POGZ: variants seen among roughly 807,000 people sequenced by gnomAD.
POGZ encodes pogo transposable element with ZNF domain.
A neutral mutation model predicts 134.6 loss-of-function variants in POGZ; 17 were observed. The ratio of observed to expected loss-of-function variants is 0.13; its 90% confidence interval spans 0.09 to 0.19. POGZ has a LOEUF of 0.19. POGZ is among the 10% of genes least tolerant of loss of function. POGZ has a pLI of 1.00. For missense variants in POGZ, 1,306 were observed against 1,769.7 expected, an observed-to-expected ratio of 0.74 and a Z score of 4.70; for synonymous variants, 693 against 657.1, an observed-to-expected ratio of 1.05 and a Z score of -0.84.
Position 151,428,216 on chromosome 1 carries a change from A to G in POGZ, c.766T>C (p.Ser256Pro), listed in dbSNP as rs530021780. The G allele has an allele frequency of 3.7e-6, 6 of 1,614,072 alleles. No individual in the cohort carries two copies. In the African/African-American group the frequency reaches 8.0e-5, roughly 22 times the overall value. The change falls in exon 6 of 19, where the codon TCT becomes CCT. Residue 256 changes from serine to proline, a missense_variant. This residue lies in a region of POGZ where 541 missense variants were observed against 680.5 expected (regional missense o/e 0.80). Transcript: ENST00000271715. The stretch of plus-strand genomic sequence containing the variant: ...GGCTGTGTGGCAGTGGGAGTGGTAG[A>G]AGTGCTGGGAGTGGACTTGGTCTGC... ...SQQTKSTPST[S>P]TTPTATQPTS... is the part of the protein sequence containing the mutation.
intron 1 of POGZ, among the ~76,000 whole-genome samples, chr1:151,453,170 T>C (rs1416879644): frequency 6.6e-6 from 1 of 151,990 alleles, no homozygotes; most frequent in African/African-American, 2.4e-5. Flanking sequence ...TCCGCCCATC[T>C]TGGCCTCCCA....
At position 151,424,278 on chromosome 1, in the gene POGZ, G is replaced by A. The variant is rs370152864; in HGVS notation, c.1194C>T (p.Cys398=). 1.3e-6 allele frequency: 2 copies of A among 1,580,988 alleles called. No homozygotes were observed. Among genetic ancestry groups the A allele is most frequent in the African/African-American group, 1.4e-5 (1 of 73,744 alleles). The change falls in exon 9 of 19, where the codon TGC becomes TGT. Residue 398 remains cysteine (C), a synonymous_variant. Transcript: ENST00000271715. The stretch of plus-strand genomic sequence containing the variant: ...TCTTCTGGTATTCAACCATTTCTGG[G>A]CAACAGTACTATAAAGAAAGACATC... ...EALRGHMCYC[C]PEMVEYQKKG...
At chr1:151,418,145 G>A (rs931805091) in intron 10 of POGZ, among the ~76,000 whole-genome samples, 1 of 152,102 alleles carries the variant, frequency 6.6e-6, no homozygotes, top group African/African-American at 2.4e-5. Flanking sequence ...TAACCCAGGA[G>A]GTGGAGGTTG....
chr1:151,430,144 A>G (rs938671326), intron 4 of POGZ, among the ~76,000 whole-genome samples: 2 of 152,162 alleles, frequency 1.3e-5, no homozygotes, highest in African/African-American at 2.4e-5. Flanking sequence ...TGGCAAATTC[A>G]TAAGAATTTA....
chr1:151,405,181 C>A lies in POGZ; in HGVS notation c.3854G>T (p.Arg1285Leu). ...ATCACATGCAGTATCTGCCATTTCC[C>A]GAGCCTGTTCCTTCCATTTTTTATG... ...FLHKKWKEQA[R>L]EMADTACDSD... The change falls in exon 19 of 19, where the codon CGG (arginine) becomes CTG (leucine). Residue 1285 changes from arginine to leucine, a missense_variant. Physicochemically the swap from Arg to Leu is moderately radical, Grantham distance 102 (BLOSUM62 -2). Transcript: ENST00000271715. This position sits in a 1 kb window ranked among gnomAD's most constrained non-coding sequence, Gnocchi z 4.9. The A allele has an allele frequency of 6.2e-7, 1 of 1,614,176 alleles. No individual in the cohort carries two copies. Among genetic ancestry groups the A allele is most frequent in the African/African-American group, 1.3e-5 (1 of 75,048 alleles).
intron 12 of POGZ, among the ~76,000 whole-genome samples, chr1:151,409,829 T>C (rs1654353764): frequency 6.6e-6 from 1 of 152,268 alleles, no homozygotes; most frequent in Non-Finnish European, 1.5e-5. Context: ...ATATGTCTCC[T>C]GGTGAGACCA....
intron 10 of POGZ, among the ~76,000 whole-genome samples, chr1:151,416,702 C>T (rs2102225667): frequency 6.7e-6 from 1 of 149,558 alleles, no homozygotes; most frequent in African/African-American, 2.5e-5. Flanking sequence ...TATCTCACTG[C>T]TGGCTCGACT....
intron 1 of POGZ, among the ~76,000 whole-genome samples, chr1:151,443,777 G>C (rs1044613561): frequency 1.3e-5 from 2 of 152,150 alleles, no homozygotes; most frequent in Non-Finnish European, 2.9e-5. Flanking sequence ...TGCAAACAAA[G>C]AGTTAATGCT....
At chr1:151,438,041 T>A (rs1659917675) in intron 3 of POGZ, among the ~76,000 whole-genome samples, 1 of 151,946 alleles carries the variant, frequency 6.6e-6, no homozygotes, top group Non-Finnish European at 1.5e-5. Flanking sequence ...AAACTCCATC[T>A]CTACTAAAAT....
chr1:151,448,124 C>A (rs1463222089), intron 1 of POGZ, among the ~76,000 whole-genome samples: 1 of 152,108 alleles, frequency 6.6e-6, no homozygotes, highest in Non-Finnish European at 1.5e-5. Context: ...GCTCTTACGT[C>A]ATCTGACAGA....
chr1:151,427,590 A>G, intron 7 of POGZ: 1 of 484,130 alleles, frequency 2.1e-6, no homozygotes, highest in South Asian at 2.5e-5. Context: ...CCCATCTTTA[A>G]TCAATCAATT....
chr1:151,423,664 ACTTCC>A, intron 9 of POGZ, 113 bp from the exon 10 acceptor site: 1 of 842,622 alleles, frequency 1.2e-6, no homozygotes, highest in Non-Finnish European at 1.8e-6. Flanking sequence ...CATTCCCCAG[ACTTCC>A]TGTTTGGGAT....
At chr1:151,433,952 G>A (rs970254147) in intron 3 of POGZ, among the ~76,000 whole-genome samples, 1 of 152,140 alleles carries the variant, frequency 6.6e-6, no homozygotes, top group African/African-American at 2.4e-5. Flanking sequence ...GCTGAAGCAG[G>A]TGGATCACTT....
intron 17 of POGZ, 82 bp from the exon 18 acceptor site, chr1:151,406,713 C>CTACA (rs1251834439): frequency 6.5e-6 from 8 of 1,230,124 alleles, no homozygotes; most frequent in Middle Eastern, 2.7e-4. Context: ...ATTCAACTTA[C>CTACA]TACATACAAA....
chr1:151,425,284 C>CA (rs1235162073), intron 7 of POGZ: 1 of 398,202 alleles, frequency 2.5e-6, no homozygotes. Context: ...TCACTGCAGC[C>CA]TTGACCTCCC....
chr1:151,423,225 G>A (rs1221639072), intron 10 of POGZ, among the ~76,000 whole-genome samples, 172 bp downstream of exon 10: 1 of 151,848 alleles, frequency 6.6e-6, no homozygotes, highest in Non-Finnish European at 1.5e-5. Context: ...TAAAAGTCAG[G>A]CTTGTAAAAA....
At position 151,404,324 on chromosome 1, in the gene POGZ, C is replaced by T. The variant is rs945594282; in HGVS notation, c.*478G>A. The T allele has an allele frequency of 1.0e-6, 1 of 985,158 alleles. No individual in the cohort carries two copies. 61.0% of individuals were successfully genotyped at this position (985,158 alleles called of 1,614,324 possible). A position where few individuals can be genotyped will look rare whatever the true frequency, so the allele number is the denominator to read the frequency against. ...TGTGAGCTACATAATTTGTCTTTCCCATCTTCAGAAATGTTCTCACATTAA... is the reference window on the plus strand; with the variant it reads ...TGTGAGCTACATAATTTGTCTTTCCTATCTTCAGAAATGTTCTCACATTAA... On this transcript the variant is annotated 3_prime_UTR_variant, in exon 19 of 19. Coordinates refer to ENST00000271715, the MANE Select transcript of POGZ (RefSeq NM_015100.4).
chr1:151,452,216 C>G (rs906071274), intron 1 of POGZ, among the ~76,000 whole-genome samples: 7 of 151,446 alleles, frequency 4.6e-5, no homozygotes, highest in African/African-American at 1.7e-4. Context: ...ACCGATCCCT[C>G]TAAAAAATTT....
intron 5 of POGZ, 43 bp from the exon 6 acceptor site, chr1:151,428,456 C>T (rs765076931): frequency 1.3e-6 from 2 of 1,559,596 alleles, no homozygotes; most frequent in Admixed American, 3.4e-5. Context: ...TCAGTGAGCT[C>T]ACCTATAACA....
Sources: gnomAD v4.1 joint callset for allele counts (sites outside exome capture counted in the v4.1 genomes callset) on GRCh38, gnomAD v4.1.1 for gene constraint, gnomAD v4.1.1 regional missense constraint, Gnocchi (gnomAD v3.1) non-coding constraint, MANE v1.5 for transcripts, NCBI Gene and HGNC (gene_info 2026-07-23, HGNC 2026-07-21) for gene names.